CD300LF: variants seen among roughly 807,000 people sequenced by gnomAD.
The protein encoded by CD300LF is CMRF35-like molecule 1.
In CD300LF, 27 loss-of-function variants were observed where a neutral mutation model predicts 32.2. The ratio of observed to expected loss-of-function variants is 0.84; its 90% CI spans 0.62 to 1.15. The LOEUF is 1.15. Ranked by LOEUF, CD300LF falls within the 50% of genes most tolerant of loss-of-function variation. The pLI is 0.00. For missense variants in CD300LF, 348 were observed against 356.8 expected, an observed-to-expected ratio of 0.98 and a Z score of 0.20; for synonymous variants, 139 against 143.2, an observed-to-expected ratio of 0.97 and a Z score of 0.21.
At position 74,704,447 on chromosome 17, in the gene CD300LF, G is replaced by A. The variant is rs746213788; in HGVS notation, c.382+31C>T. The A allele has an allele frequency of 3.4e-6, 5 of 1,487,776 alleles. No homozygotes were observed. The African/African-American group carries it at 5.5e-5, about 16-fold the overall frequency. 92.2% of individuals were successfully genotyped at this position (1,487,776 alleles called of 1,614,324 possible). A position where few individuals can be genotyped will look rare whatever the true frequency, so the allele number is the denominator to read the frequency against. On this transcript the variant is annotated intron_variant, in intron 2 of 6. Coordinates refer to ENST00000326165, the MANE Select transcript of CD300LF (RefSeq NM_139018.5). ...GAGACCAGGACAGAGCAGGCCCTGA[G>A]AGACACACACATATATACACTCCCT... is the stretch of plus-strand genomic sequence containing the variant.
intron 1 of CD300LF, among the ~76,000 whole-genome samples, chr17:74,709,387 A>G (rs925642275): frequency 1.3e-5 from 2 of 152,196 alleles, no homozygotes; most frequent in Non-Finnish European, 2.9e-5. Context: ...AACTGCCTTT[A>G]TCTGATAAAG....
intron 4 of CD300LF, among the ~76,000 whole-genome samples, chr17:74,696,672 C>A (rs890326263): frequency 6.6e-6 from 1 of 152,190 alleles, no homozygotes; most frequent in Non-Finnish European, 1.5e-5. Flanking sequence ...GGGGCACTTG[C>A]TCTATGTCTG....
chr17:74,695,875 C>T lies in CD300LF; in HGVS notation c.583-16G>A. 1 of 1,609,780 alleles carries T rather than the reference C, an allele frequency of 6.2e-7. No individual in the cohort carries two copies. The highest frequency in any genetic ancestry group is 1.7e-5 in the Admixed American group (1 of 59,710). ...GCTGCAGTACCTGGGACAGGGAACA[C>T]AGGCTGGGGAGTCACAAGATCTGTC... On this transcript the variant is annotated splice_polypyrimidine_tract_variant and intron_variant, in intron 5 of 6. Transcript: ENST00000326165.
intron 1 of CD300LF, among the ~76,000 whole-genome samples, chr17:74,711,516 G>C (rs1168462443): frequency 1.3e-5 from 2 of 152,164 alleles, no homozygotes; most frequent in Non-Finnish European, 2.9e-5. Flanking sequence ...AGCAGTCCTG[G>C]ACAAGTCACT....
At chr17:74,706,223 C>G (rs1297165405) in intron 1 of CD300LF, among the ~76,000 whole-genome samples, 1 of 150,190 alleles carries the variant, frequency 6.7e-6, no homozygotes, top group Non-Finnish European at 1.5e-5. Flanking sequence ...ATCCATGTAA[C>G]AAACCTGCAC....
Position 74,707,800 on chromosome 17 carries a change from G to A in CD300LF, c.44-2984C>T, listed in dbSNP as rs148495771. On this transcript the variant is annotated intron_variant, in intron 1 of 6. Coordinates refer to ENST00000326165, the MANE Select transcript of CD300LF (RefSeq NM_139018.5). ...TTAATAAACCATGAATAAGATAAAA[G>A]GATATAATAATAAAAGGATATTTAA... Among the ~76,000 whole-genome samples the A allele has an allele frequency of 9.4e-3, 1,423 of 151,710 alleles. 14 individuals are homozygous for A. Among genetic ancestry groups the A allele is most frequent in the Non-Finnish European group, 0.015 (1,003 of 67,926 alleles).
intron 3 of CD300LF, 57 bp from the exon 4 acceptor site, chr17:74,698,538 C>T: frequency 1.9e-6 from 3 of 1,553,868 alleles, no homozygotes; most frequent in Non-Finnish European, 2.6e-6. Context: ...CCTCTCAGCC[C>T]AATCCCACCC....
rs772711170 is a variant in CD300LF, at chr17:74,704,369, GACTCAAGTGATAGATC to G, written c.382+93_382+108del. On this transcript the variant is annotated intron_variant, in intron 2 of 6. Coordinates refer to ENST00000326165, the MANE Select transcript of CD300LF (RefSeq NM_139018.5). ...TCAGTCAGGGTTCTATGAGACTCGG[GACTCAAGTGATAGATC>G]ACTCAGTGACAATTAAATCACTTGA... 359 of 822,170 alleles carry G rather than the reference GACTCAAGTGATAGATC, an allele frequency of 4.4e-4. 2 individuals are homozygous for G. Among genetic ancestry groups the G allele is most frequent in the Non-Finnish European group, 1.1e-4 (59 of 517,316 alleles). 50.9% of individuals were successfully genotyped at this position (822,170 alleles called of 1,614,324 possible). A position where few individuals can be genotyped will look rare whatever the true frequency, so the allele number is the denominator to read the frequency against.
chr17:74,706,437 A>G (rs1434502925), intron 1 of CD300LF, among the ~76,000 whole-genome samples: 4 of 151,640 alleles, frequency 2.6e-5, no homozygotes, highest in Admixed American at 2.0e-4. Flanking sequence ...ACATATATAT[A>G]TAAATTCCCA....
At chr17:74,697,900 G>A (rs1190678531) in intron 4 of CD300LF, among the ~76,000 whole-genome samples, 2 of 152,126 alleles carry the variant, frequency 1.3e-5, no homozygotes, top group African/African-American at 4.8e-5. Context: ...TGCACTGTGG[G>A]ATCCATGCAG....
intron 1 of CD300LF, chr17:74,705,183 C>A (rs576945124): frequency 5.4e-4 from 379 of 696,712 alleles, no homozygotes; most frequent in Non-Finnish European, 9.2e-4. Context: ...TACCAGGAGA[C>A]CCCTTTCCAC....
intron 4 of CD300LF, among the ~76,000 whole-genome samples, chr17:74,696,425 GAA>G (rs890274491): frequency 6.6e-6 from 1 of 152,120 alleles, no homozygotes; most frequent in Non-Finnish European, 1.5e-5. Context: ...TCTCCACCAG[GAA>G]AAGAGGGACA....
At chr17:74,710,303 A>C (rs1204588026) in intron 1 of CD300LF, among the ~76,000 whole-genome samples, 1 of 152,202 alleles carries the variant, frequency 6.6e-6, no homozygotes, top group Non-Finnish European at 1.5e-5. Flanking sequence ...TAGGAAGATA[A>C]GGAAAAACAT....
intron 1 of CD300LF, among the ~76,000 whole-genome samples, chr17:74,710,520 T>C (rs1419534515): frequency 1.3e-5 from 2 of 152,058 alleles, no homozygotes; most frequent in African/African-American, 4.8e-5. Context: ...GTGTATTAAA[T>C]TCCTAGGAAT....
In CD300LF at chr17:74,698,499, C is replaced by G; in HGVS notation, c.447-18G>C. The G allele has an allele frequency of 6.2e-7, 1 of 1,603,984 alleles. No homozygotes were observed. The highest frequency in any genetic ancestry group is 8.5e-7 in the Non-Finnish European group (1 of 1,175,044). On this transcript the variant is annotated intron_variant, in intron 3 of 6. Coordinates refer to ENST00000326165, the MANE Select transcript of CD300LF (RefSeq NM_139018.5). ...GCTTGTGCCTAGAAACAATGGCAAGCGTCCCCTGCATCCCAGGCTCACCAC... is the reference window on the plus strand; with the variant it reads ...GCTTGTGCCTAGAAACAATGGCAAGGGTCCCCTGCATCCCAGGCTCACCAC...
In CD300LF at chr17:74,702,962, A is replaced by T. The variant is rs2033190718; in HGVS notation, c.446+73T>A. On this transcript the variant is annotated intron_variant, in intron 3 of 6. Coordinates refer to ENST00000326165, the MANE Select transcript of CD300LF (RefSeq NM_139018.5). The stretch of plus-strand genomic sequence containing the variant: ...TCCCAGACAAAGCTCAGGCTGGAAA[A>T]TGGGACTTCAAAGAGTTCTCCATTG... The T allele has an allele frequency of 4.0e-6, 5 of 1,257,902 alleles. No individual in the cohort carries two copies. The East Asian group carries it at 1.2e-4, about 29-fold the overall frequency. 77.9% of individuals were successfully genotyped at this position (1,257,902 alleles called of 1,614,324 possible).
At chr17:74,708,776 C>T (rs186461271) in intron 1 of CD300LF, among the ~76,000 whole-genome samples, 15 of 151,960 alleles carry the variant, frequency 9.9e-5, no homozygotes, top group African/African-American at 2.9e-4. Flanking sequence ...ATTAGCCAGG[C>T]GTGGTGGCGG....
At chr17:74,695,675 G>A (rs1298322786) in intron 6 of CD300LF, 50 bp downstream of exon 6, 1 of 1,612,690 alleles carries the variant, frequency 6.2e-7, no homozygotes, top group Non-Finnish European at 8.5e-7. Flanking sequence ...GCAACGGCAG[G>A]CCTGTGTCCC....
In CD300LF at chr17:74,704,723, C is replaced by T. The variant is rs569437534; in HGVS notation, c.137G>A (p.Trp46Ter). The change falls in exon 2 of 7, where the codon TGG (tryptophan) becomes TAG (stop). Residue 46 changes from tryptophan to a stop codon, truncating the protein, a stop_gained. Transcript: ENST00000326165. LOFTEE classifies it high-confidence loss of function. The part of the protein sequence containing the change: ...LTVQCVYRSG[W>*]ETYLKWWCRG... ...ACACCACCACTTCAAGTAGGTCTCC[C>T]AGCCTGATCTGTAAACACACTGCAC... The T allele has an allele frequency of 1.2e-4, 198 of 1,614,064 alleles. 1 individual carries two copies. The highest frequency in any genetic ancestry group is 1.6e-4 in the Non-Finnish European group (191 of 1,180,046).
Sources: allele counts gnomAD v4.1 joint callset (sites outside exome capture counted in the v4.1 genomes callset), GRCh38; gene constraint gnomAD v4.1.1; transcripts MANE v1.5; gene names NCBI Gene and HGNC (gene_info 2026-07-23, HGNC 2026-07-21).